ARSB: variants seen among roughly 807,000 people sequenced by gnomAD.
The protein encoded by ARSB is arylsulfatase B.
ARSB carries 41 observed loss-of-function variants against 50.9 expected under a neutral mutation model. That is an observed-to-expected ratio of 0.81 (90% CI 0.63 to 1.04). The LOEUF (loss-of-function observed/expected upper bound fraction) is 1.04, where lower values mean the gene tolerates loss of function less well. ARSB is among the 50% of genes least tolerant of loss of function. The probability of loss-of-function intolerance (pLI) is 0.00; values close to 1 mark genes in which losing one functional copy is unlikely to be tolerated. For synonymous variants in ARSB, 269 were observed against 284.8 expected (o/e 0.94, Z 0.56); for missense variants, 672 against 693.3 (o/e 0.97, Z 0.35).
chr5:78,794,709 C>T (rs1431565586), intron 6 of ARSB, among the ~76,000 whole-genome samples: 1 of 152,164 alleles, frequency 6.6e-6, no homozygotes, highest in African/African-American at 2.4e-5. Flanking sequence ...TGTCTCACTG[C>T]TTGTCCAACT....
At position 78,848,961 on chromosome 5, in the gene ARSB, A is replaced by G. The variant is rs368095595; in HGVS notation, c.1143-9535T>C. ...TTTGAGTTCATTGTAGATTCTGGAT[A>G]TTAGCCCTTTGTCAGATGAGTAGAT... On this transcript the variant is annotated intron_variant, in intron 5 of 7. Coordinates refer to ENST00000264914, the MANE Select transcript of ARSB (RefSeq NM_000046.5). 1.2e-4 allele frequency among the ~76,000 whole-genome samples: 18 copies of G among 152,284 alleles called. No homozygotes were observed. In the East Asian group the frequency reaches 1.5e-3, roughly 13 times the overall value.
At chr5:78,847,692 G>C (rs906668515) in intron 5 of ARSB, among the ~76,000 whole-genome samples, 3 of 152,096 alleles carry the variant, frequency 2.0e-5, no homozygotes, top group Admixed American at 6.5e-5. Context: ...ATCAGGTCCT[G>C]GGCTTCTCTT....
At chr5:78,854,728 T>C (rs911681896) in intron 5 of ARSB, among the ~76,000 whole-genome samples, 3 of 152,252 alleles carry the variant, frequency 2.0e-5, no homozygotes, top group Admixed American at 6.5e-5. Flanking sequence ...TTCTTCCAGA[T>C]ACAGGACTCC....
chr5:78,897,838 G>A (rs1253068123), intron 4 of ARSB, among the ~76,000 whole-genome samples: 3 of 151,924 alleles, frequency 2.0e-5, no homozygotes, highest in African/African-American at 7.3e-5. Context: ...CTGCTTTAAT[G>A]AGAAAATTCA....
chr5:78,985,520 C>A (rs991427030), upstream of ARSB: 3 of 263,218 alleles, frequency 1.1e-5, no homozygotes, highest in Admixed American at 5.4e-5. Flanking sequence ...CACCAAGGCC[C>A]GTTATCTTCC....
At chr5:78,841,625 C>T (rs889851150) in intron 5 of ARSB, among the ~76,000 whole-genome samples, 1 of 152,012 alleles carries the variant, frequency 6.6e-6, no homozygotes, top group Non-Finnish European at 1.5e-5. Flanking sequence ...TGTAATACCC[C>T]AAAATATTAG....
chr5:78,781,136 C>T (rs1022829144), intron 7 of ARSB, among the ~76,000 whole-genome samples: 1 of 152,156 alleles, frequency 6.6e-6, no homozygotes, highest in African/African-American at 2.4e-5. Context: ...ATCAGAGGAG[C>T]AACCTCCTTC....
At chr5:78,866,569 T>C (rs1746751979) in intron 5 of ARSB, among the ~76,000 whole-genome samples, 1 of 152,096 alleles carries the variant, frequency 6.6e-6, no homozygotes, top group Non-Finnish European at 1.5e-5. Context: ...ACCTGACAGA[T>C]CAAAGCACTG....
At chr5:78,893,130 G>A (rs1748397500) in intron 4 of ARSB, among the ~76,000 whole-genome samples, 1 of 152,120 alleles carries the variant, frequency 6.6e-6, no homozygotes, top group African/African-American at 2.4e-5. Context: ...TTTTAAAAGG[G>A]GTTTCCCCTT....
chr5:78,946,172 C>T (rs537107957), intron 4 of ARSB, among the ~76,000 whole-genome samples: 1 of 152,256 alleles, frequency 6.6e-6, no homozygotes, highest in East Asian at 1.9e-4. Context: ...AAACTCTGAT[C>T]ATGTTCTATC....
At chr5:78,956,162 T>A (rs145689903) in intron 3 of ARSB, among the ~76,000 whole-genome samples, 4 of 152,304 alleles carry the variant, frequency 2.6e-5, no homozygotes, top group Non-Finnish European at 5.9e-5. Flanking sequence ...CAAAATATGG[T>A]ATATTTTCAG....
chr5:78,860,383 A>G (rs1746374471), intron 5 of ARSB, among the ~76,000 whole-genome samples: 1 of 152,200 alleles, frequency 6.6e-6, no homozygotes, highest in Non-Finnish European at 1.5e-5. Context: ...CAGCAAATGT[A>G]ATAGAACAGA....
chr5:78,858,257 C>T (rs956557358), intron 5 of ARSB, among the ~76,000 whole-genome samples: 1 of 152,178 alleles, frequency 6.6e-6, no homozygotes, highest in African/African-American at 2.4e-5. Flanking sequence ...AAAAGTTAAA[C>T]ATTTTTCTTC....
chr5:78,951,287 A>G (rs1032565711), intron 4 of ARSB, among the ~76,000 whole-genome samples: 2 of 152,176 alleles, frequency 1.3e-5, no homozygotes, highest in African/African-American at 4.8e-5. Flanking sequence ...ACCATTTACT[A>G]TCTCACAGGG....
At chr5:78,933,751 G>A (rs991394220) in intron 4 of ARSB, among the ~76,000 whole-genome samples, 1 of 152,176 alleles carries the variant, frequency 6.6e-6, no homozygotes, top group Admixed American at 6.5e-5. Flanking sequence ...CCTAACCTCA[G>A]AACCTGTGAA....
At position 78,780,607 on chromosome 5, in the gene ARSB, T is replaced by C; in HGVS notation, c.1392A>G (p.Ser464=). Residue 464 remains serine (S), a synonymous_variant, in exon 8 of 8, where the codon TCA becomes TCG. Coordinates refer to ENST00000264914, the MANE Select transcript of ARSB (RefSeq NM_000046.5). The stretch of plus-strand genomic sequence containing the variant: ...AGAGGGTCTTGGTTGGTGGGTCTGA[T>C]GAGGGTATCTCAGAAACATTGTATT... The part of the protein sequence containing the change: ...PSQYNVSEIP[S]SDPPTKTLWL... 1 of 1,614,062 alleles carries C rather than the reference T, an allele frequency of 6.2e-7. No individual in the cohort carries two copies. Among genetic ancestry groups the C allele is most frequent in the Non-Finnish European group, 8.5e-7 (1 of 1,179,990 alleles).
In ARSB at chr5:78,837,524, T is replaced by C. The variant is rs182186576; in HGVS notation, c.1213+1832A>G. The stretch of plus-strand genomic sequence containing the variant: ...CCTAGCACCTTCTAGAAGGGGTTTT[T>C]AGGCCAATAGAAATATAATGCAAGT... On this transcript the variant is annotated intron_variant, in intron 6 of 7. Transcript: ENST00000264914. Among the ~76,000 whole-genome samples, 21 of 152,308 alleles carry C rather than the reference T, an allele frequency of 1.4e-4. No homozygotes were observed. In the Middle Eastern group the frequency reaches 0.01, roughly 74 times the overall value.
intron 5 of ARSB, among the ~76,000 whole-genome samples, chr5:78,843,972 G>A (rs1382680369): frequency 6.6e-6 from 1 of 152,022 alleles, no homozygotes; most frequent in Non-Finnish European, 1.5e-5. Flanking sequence ...TATTTTGATT[G>A]TTTTCAATAT....
At chr5:78,850,719 T>C (rs1475235929) in intron 5 of ARSB, among the ~76,000 whole-genome samples, 1 of 152,224 alleles carries the variant, frequency 6.6e-6, no homozygotes, top group Non-Finnish European at 1.5e-5. Context: ...AGCTATTGAT[T>C]ATTGTCACAA....
Sources: allele counts gnomAD v4.1 joint callset (sites outside exome capture counted in the v4.1 genomes callset), GRCh38; gene constraint gnomAD v4.1.1; transcripts MANE v1.5; gene names NCBI Gene and HGNC (gene_info 2026-07-23, HGNC 2026-07-21).